The following ZNF385D variants were observed in gnomAD, a reference collection of about 807,000 sequenced individuals.
ZNF385D encodes the protein zinc finger protein 385D, also known as zinc finger protein 659.
A neutral mutation model predicts 35.8 loss-of-function variants in ZNF385D; 15 were observed. The observed-to-expected ratio is 0.42, with a 90% CI of 0.28 to 0.64. The LOEUF is 0.64. Ranked by LOEUF, ZNF385D falls within the 30% of genes least tolerant of loss-of-function variation. ZNF385D has a pLI of 0.23. For missense variants in ZNF385D, 474 were observed against 494.6 expected, an observed-to-expected ratio of 0.96 and a Z score of 0.39; for synonymous variants, 212 against 186.8, an observed-to-expected ratio of 1.13 and a Z score of -1.10.
rs141960494 is a variant in ZNF385D, at chr3:21,491,426, C to A, written c.439+19435G>T. Among the ~76,000 whole-genome samples, 284 of 151,994 alleles carry A rather than the reference C, an allele frequency of 1.9e-3. 1 individual carries two copies. The highest frequency in any genetic ancestry group is 6.6e-3 in the African/African-American group (273 of 41,464). Reference sequence around the variant, plus strand: ...TAACTATAACATAAAAGAAACACCCCCTATTCCCCATCTAAGAAAAAAACC... The same window carrying A: ...TAACTATAACATAAAAGAAACACCCACTATTCCCCATCTAAGAAAAAAACC... On this transcript the variant is annotated intron_variant, in intron 4 of 7. Transcript: ENST00000281523.
chr3:21,877,094 ATTCGCCTGCC>A (rs1698019089), intron 3 of ZNF385D, among the ~76,000 whole-genome samples: 1 of 152,084 alleles, frequency 6.6e-6, no homozygotes, highest in Non-Finnish European at 1.5e-5. Flanking sequence ...GATCAGGTTT[ATTCGCCTGCC>A]CTAAGTGACC....
intron 4 of ZNF385D, among the ~76,000 whole-genome samples, chr3:21,498,587 A>G (rs1559349665): frequency 1.4e-5 from 1 of 71,678 alleles, no homozygotes; most frequent in Admixed American, 1.6e-4. Flanking sequence ...CACATGGCCA[A>G]AAACATAGGA....
chr3:21,815,827 T>G (rs2073122789), intron 3 of ZNF385D, among the ~76,000 whole-genome samples: 1 of 152,146 alleles, frequency 6.6e-6, no homozygotes, highest in Admixed American at 6.5e-5. Flanking sequence ...CTAACTCATT[T>G]TATGAGGCCA....
chr3:21,679,454 C>G (rs189165354), intron 1 of ZNF385D, among the ~76,000 whole-genome samples: 21 of 152,034 alleles, frequency 1.4e-4, no homozygotes, highest in African/African-American at 4.8e-4. Flanking sequence ...GCTGGGTCAT[C>G]TTAATTTTTT....
chr3:22,086,376 T>C (rs1248096629), intron 3 of ZNF385D, among the ~76,000 whole-genome samples: 1 of 151,418 alleles, frequency 6.6e-6, no homozygotes, highest in African/African-American at 2.4e-5. Flanking sequence ...AAAATCAATG[T>C]GCAAAAATCA....
At chr3:22,350,181 C>G (rs1442083607) in intron 2 of ZNF385D, among the ~76,000 whole-genome samples, 1 of 152,080 alleles carries the variant, frequency 6.6e-6, no homozygotes, top group Admixed American at 6.5e-5. Context: ...GAAGTTTACC[C>G]CAGGAAAAAT....
chr3:21,978,388 T>C (rs1229176175), intron 3 of ZNF385D: 1 of 152,264 alleles, frequency 6.6e-6, no homozygotes. Flanking sequence ...TTAGATATGC[T>C]ACGTGTTTTG....
intron 2 of ZNF385D, among the ~76,000 whole-genome samples, chr3:22,201,539 G>C (rs1440633897): frequency 6.6e-6 from 1 of 151,960 alleles, no homozygotes; most frequent in Non-Finnish European, 1.5e-5. Flanking sequence ...AAAGAAAGAA[G>C]TTAGGTTTTC....
chr3:21,508,962 C>T (rs1254038997), intron 4 of ZNF385D, among the ~76,000 whole-genome samples: 1 of 137,578 alleles, frequency 7.3e-6, no homozygotes, highest in Non-Finnish European at 1.5e-5. Context: ...GACAACACAC[C>T]TGGGGGCTTT....
At chr3:22,205,215 G>C (rs751516329) in intron 2 of ZNF385D, among the ~76,000 whole-genome samples, 4 of 151,864 alleles carry the variant, frequency 2.6e-5, no homozygotes, top group Non-Finnish European at 5.9e-5. Context: ...TGACATGACA[G>C]GTTTAAAATG....
chr3:21,984,860 TCTC>T (rs1462803377), intron 3 of ZNF385D, among the ~76,000 whole-genome samples: 3 of 134,640 alleles, frequency 2.2e-5, no homozygotes, highest in Admixed American at 7.3e-5. Context: ...GGTTTGTAGT[TCTC>T]CTTGAAGAGG....
At chr3:21,659,540 C>CAAGGAAGGCTCGTAGCATTT (rs2066172691) in intron 2 of ZNF385D, among the ~76,000 whole-genome samples, 1 of 152,146 alleles carries the variant, frequency 6.6e-6, no homozygotes, top group East Asian at 1.9e-4. Flanking sequence ...CAATGTCATA[C>CAAGGAAGGCTCGTAGCATTT]AAGGAAGGCT....
intron 1 of ZNF385D, among the ~76,000 whole-genome samples, chr3:21,700,683 T>C (rs2067649821): frequency 6.6e-6 from 1 of 152,196 alleles, no homozygotes; most frequent in African/African-American, 2.4e-5. Context: ...AGAATACCTG[T>C]CTTGCTTTCC....
At chr3:21,609,156 G>C (rs1824212) in intron 2 of ZNF385D, among the ~76,000 whole-genome samples, 1 of 151,932 alleles carries the variant, frequency 6.6e-6, no homozygotes, top group Non-Finnish European at 1.5e-5. Flanking sequence ...AGAAGAACAC[G>C]AGAGTAAGAG....
intron 3 of ZNF385D, chr3:21,961,627 A>G (rs1702599567): frequency 6.6e-6 from 1 of 152,156 alleles, no homozygotes; most frequent in South Asian, 2.1e-4. Context: ...GTAGGGCTAC[A>G]TACATTATTT....
chr3:21,622,460 T>C (rs1301906808), intron 2 of ZNF385D, among the ~76,000 whole-genome samples: 1 of 152,082 alleles, frequency 6.6e-6, no homozygotes, highest in Non-Finnish European at 1.5e-5. Context: ...ACATTTTGAG[T>C]GAGAAGATCA....
chr3:21,825,642 G>A (rs62239210), intron 3 of ZNF385D, among the ~76,000 whole-genome samples: 1 of 152,018 alleles, frequency 6.6e-6, no homozygotes, highest in African/African-American at 2.4e-5. Flanking sequence ...GTTTTCACAC[G>A]GCAATGTTTA....
intron 2 of ZNF385D, among the ~76,000 whole-genome samples, chr3:22,363,027 G>T (rs530339945): frequency 6.6e-6 from 1 of 152,032 alleles, no homozygotes; most frequent in African/African-American, 2.4e-5. Context: ...AATTATCCAG[G>T]GAAGTCCAAC....
intron 1 of ZNF385D, among the ~76,000 whole-genome samples, chr3:21,744,664 T>C (rs950203893): frequency 6.6e-6 from 1 of 152,172 alleles, no homozygotes; most frequent in Non-Finnish European, 1.5e-5. Context: ...CTATCTTATA[T>C]AATTTTAAGT....
Sources: gnomAD v4.1 joint callset for allele counts (sites outside exome capture counted in the v4.1 genomes callset) on GRCh38, gnomAD v4.1.1 for gene constraint, MANE v1.5 for transcripts, NCBI Gene and HGNC (gene_info 2026-07-23, HGNC 2026-07-21) for gene names.